EVL: variants seen among roughly 807,000 people sequenced by gnomAD.
EVL encodes the protein Enah/Vasp-like.
EVL carries 21 observed loss-of-function variants against 59.6 expected under a neutral mutation model. The ratio of observed to expected loss-of-function variants is 0.35; its 90% CI spans 0.25 to 0.51. The LOEUF (loss-of-function observed/expected upper bound fraction) is 0.51, where lower values mean the gene tolerates loss of function less well. Among genes scored for constraint, EVL ranks in the 20% least tolerant of loss-of-function variants. The pLI, the probability that EVL is intolerant of heterozygous loss-of-function variation, is 0.97. For synonymous variants in EVL, 198 were observed against 203.5 expected (o/e 0.97, Z 0.23); for missense variants, 462 against 546.6 (o/e 0.85, Z 1.54).
upstream of EVL, chr14:100,065,404 G>T (rs1335152253): frequency 7.9e-7 from 1 of 1,262,432 alleles, no homozygotes; most frequent in East Asian, 3.0e-5. Flanking sequence ...AAATCAAGTT[G>T]CTGTCTTCAG....
chr14:100,083,411 G>A (rs2062357138), intron 1 of EVL, among the ~76,000 whole-genome samples: 1 of 151,788 alleles, frequency 6.6e-6, no homozygotes, highest in Non-Finnish European at 1.5e-5. Context: ...TGTCACCCAG[G>A]CTGGAGTGCG....
chr14:100,129,866 C>G lies in EVL; in HGVS notation c.839+182C>G, dbSNP rs769754239. 2.6e-5 allele frequency among the ~76,000 whole-genome samples: 4 copies of G among 152,362 alleles called. No homozygotes were observed. In the South Asian group the frequency reaches 8.3e-4, roughly 32 times the overall value. On this transcript the variant is annotated intron_variant, in intron 7 of 13. Transcript: ENST00000392920. Reference sequence around the variant, plus strand: ...GGGGTTAGTCTGAAGCGCAAGCCCACAGGAGTCCTCTAAACTCCAGATCCT... The same window carrying G: ...GGGGTTAGTCTGAAGCGCAAGCCCAGAGGAGTCCTCTAAACTCCAGATCCT...
intron 1 of EVL, among the ~76,000 whole-genome samples, chr14:99,983,329 G>A (rs2060820105): frequency 6.6e-6 from 1 of 152,196 alleles, no homozygotes; most frequent in African/African-American, 2.4e-5. Context: ...CTTAGGTTAA[G>A]AAAGAGTTAC....
chr14:100,023,678 T>C (rs2061165335), intron 1 of EVL, among the ~76,000 whole-genome samples: 1 of 152,006 alleles, frequency 6.6e-6, no homozygotes, highest in East Asian at 1.9e-4. Context: ...ACCAGGCTGG[T>C]CTTGAACTCC....
At chr14:100,125,395 A>G (rs1008007106) in intron 4 of EVL, among the ~76,000 whole-genome samples, 2 of 152,202 alleles carry the variant, frequency 1.3e-5, no homozygotes, top group Non-Finnish European at 2.9e-5. Context: ...ACAGTACCAT[A>G]GGTTCAGACC....
At chr14:100,006,016 C>G (rs7156162) in intron 1 of EVL, among the ~76,000 whole-genome samples, 24 of 149,794 alleles carry the variant, frequency 1.6e-4, no homozygotes, top group African/African-American at 5.1e-4. Flanking sequence ...ATTTCCCCCC[C>G]CCCCCCCACA....
At chr14:100,139,570 C>T (rs972032039) in intron 11 of EVL, 1 of 152,284 alleles carries the variant, frequency 6.6e-6, no homozygotes, top group African/African-American at 2.4e-5. Flanking sequence ...CTATCAGGAC[C>T]CAGAATTACT....
intron 3 of EVL, among the ~76,000 whole-genome samples, chr14:100,113,387 T>G (rs1329444792): frequency 6.6e-6 from 1 of 152,196 alleles, no homozygotes; most frequent in African/African-American, 2.4e-5. Flanking sequence ...CAAGTCTATA[T>G]GCTCAGAACG....
At chr14:100,136,495 C>T (rs949066695) in intron 9 of EVL, among the ~76,000 whole-genome samples, 1 of 152,280 alleles carries the variant, frequency 6.6e-6, no homozygotes, top group South Asian at 2.1e-4. Flanking sequence ...GATGAGGCTT[C>T]GCAGGGGAGG....
At chr14:100,087,602 A>G (rs1317849417) in intron 2 of EVL, among the ~76,000 whole-genome samples, 1 of 152,238 alleles carries the variant, frequency 6.6e-6, no homozygotes, top group African/African-American at 2.4e-5. Flanking sequence ...TGACAGGGCG[A>G]GATTCTGTCT....
chr14:100,039,465 G>C (rs574763517), intron 1 of EVL, among the ~76,000 whole-genome samples: 1 of 152,248 alleles, frequency 6.6e-6, no homozygotes, highest in Admixed American at 6.5e-5. Flanking sequence ...TCAAAGTCCT[G>C]ATCTCAAGTG....
rs2061909899 is a variant in EVL, at chr14:100,065,443, G to A, written c.-58G>A. Reference sequence around the variant, plus strand: ...GTCTGTGGTCCTCTGATCAACATAGGCTGGTGGGAGTACAGGACTCGCCTC... The same window carrying A: ...GTCTGTGGTCCTCTGATCAACATAGACTGGTGGGAGTACAGGACTCGCCTC... On this transcript the variant is annotated 5_prime_UTR_variant, in exon 1 of 14. Transcript: ENST00000392920. The A allele has an allele frequency of 7.2e-7, 1 of 1,397,788 alleles. No homozygotes were observed. The highest frequency in any genetic ancestry group is 1.5e-5 in the African/African-American group (1 of 68,854). 86.6% of individuals were successfully genotyped at this position (1,397,788 alleles called of 1,614,324 possible).
intron 1 of EVL, among the ~76,000 whole-genome samples, chr14:100,017,848 G>A (rs1315915452): frequency 1.3e-5 from 2 of 152,182 alleles, no homozygotes; most frequent in African/African-American, 2.4e-5. Flanking sequence ...TCCCTCACTC[G>A]TCAGTCGGCC....
chr14:100,126,725 C>T lies in EVL; in HGVS notation c.441C>T (p.His147=). The T allele has an allele frequency of 6.2e-7, 1 of 1,614,128 alleles. No individual in the cohort carries two copies. Among genetic ancestry groups the T allele is most frequent in the Non-Finnish European group, 8.5e-7 (1 of 1,180,008 alleles). Residue 147 remains histidine, a synonymous_variant, in exon 5 of 14, where the codon CAC becomes CAT. Coordinates refer to ENST00000392920, the MANE Select transcript of EVL (RefSeq NM_016337.3). ...DIQRRQVMEQ[H]QQQRQESLER... Reference sequence around the variant, plus strand: ...TTTCCAGACAAGTGATGGAGCAGCACCAGCAGCAGCGTCAGGAATCTCTAG... The same window carrying T: ...TTTCCAGACAAGTGATGGAGCAGCATCAGCAGCAGCGTCAGGAATCTCTAG...
At chr14:99,984,529 A>G (rs892346833) in intron 1 of EVL, among the ~76,000 whole-genome samples, 35 of 152,320 alleles carry the variant, frequency 2.3e-4, no homozygotes, top group African/African-American at 8.4e-4. Context: ...AAGGTTGTAC[A>G]GAGAGTTCCT....
chr14:100,054,661 G>T (rs1292105771), intron 1 of EVL, among the ~76,000 whole-genome samples: 1 of 152,020 alleles, frequency 6.6e-6, no homozygotes, highest in African/African-American at 2.4e-5. Flanking sequence ...TGCCTGCCTT[G>T]CCTTCTCTGT....
At chr14:100,058,894 A>G (rs1010137715) in intron 1 of EVL, among the ~76,000 whole-genome samples, 2 of 152,210 alleles carry the variant, frequency 1.3e-5, no homozygotes, top group Admixed American at 6.5e-5. Context: ...TGGAGTGCCA[A>G]AAGGTTCACT....
At chr14:99,994,112 C>CTTTTTTTTTTTTTTTT (rs751533422) in intron 1 of EVL, among the ~76,000 whole-genome samples, 3 of 55,156 alleles carry the variant, frequency 5.4e-5, no homozygotes, top group African/African-American at 1.8e-4. Flanking sequence ...AGCCTTTTGG[C>CTTTTTTTTTTTTTTTT]TTTTTTTTTT....
chr14:100,032,099 G>A (rs1029510081), intron 1 of EVL, among the ~76,000 whole-genome samples: 3 of 152,230 alleles, frequency 2.0e-5, no homozygotes, highest in African/African-American at 4.8e-5. Context: ...GATAAAAGTG[G>A]TGGTTGGATG....
Sources: allele counts gnomAD v4.1 joint callset (sites outside exome capture counted in the v4.1 genomes callset), GRCh38; gene constraint gnomAD v4.1.1; transcripts MANE v1.5; gene names NCBI Gene and HGNC (gene_info 2026-07-23, HGNC 2026-07-21).